The following PCDH9 variants were observed in gnomAD, a reference collection of about 807,000 sequenced individuals.
PCDH9 encodes the protein protocadherin-9.
PCDH9 carries 24 observed loss-of-function variants against 70.6 expected under a neutral mutation model. The ratio of observed to expected loss-of-function variants is 0.34; its 90% confidence interval spans 0.25 to 0.48. The LOEUF (loss-of-function observed/expected upper bound fraction) is 0.48, where lower values mean the gene tolerates loss of function less well. PCDH9 is among the 20% of genes least tolerant of loss of function. The probability of loss-of-function intolerance (pLI) is 0.99; values close to 1 mark genes in which losing one functional copy is unlikely to be tolerated. For missense variants in PCDH9, 1,281 were observed against 1,503.6 expected (o/e 0.85, Z 2.45); for synonymous variants, 562 against 558.5 (o/e 1.01, Z -0.09).
chr13:66,354,747 C>T (rs931626958), intron 4 of PCDH9, among the ~76,000 whole-genome samples: 7 of 152,088 alleles, frequency 4.6e-5, no homozygotes, highest in African/African-American at 9.7e-5. Context: ...TTTTCACCAA[C>T]GTTAGAGCCC....
chr13:66,356,004 T>TA (rs1232061285), intron 4 of PCDH9, among the ~76,000 whole-genome samples: 2 of 152,028 alleles, frequency 1.3e-5, no homozygotes, highest in South Asian at 4.1e-4. Context: ...TTTTAAGTAC[T>TA]AAAAAAAATT....
chr13:66,731,825 A>G (rs997821208), intron 3 of PCDH9, among the ~76,000 whole-genome samples: 3 of 152,044 alleles, frequency 2.0e-5, no homozygotes, highest in African/African-American at 7.2e-5. Flanking sequence ...TTTCTCTAAA[A>G]CACAATTTAA....
intron 4 of PCDH9, among the ~76,000 whole-genome samples, chr13:66,529,883 A>G (rs547334316): frequency 1.3e-5 from 2 of 151,932 alleles, no homozygotes; most frequent in South Asian, 4.2e-4. Context: ...TGCTGTTAAA[A>G]AAAAAAAAGC....
chr13:67,009,116 G>A (rs912332699), intron 2 of PCDH9, among the ~76,000 whole-genome samples: 1 of 151,914 alleles, frequency 6.6e-6, no homozygotes, highest in Non-Finnish European at 1.5e-5. Flanking sequence ...AAACATTAGC[G>A]TTCATCTCAA....
intron 4 of PCDH9, among the ~76,000 whole-genome samples, chr13:66,549,252 C>T (rs1231732040): frequency 2.0e-5 from 3 of 151,894 alleles, no homozygotes; most frequent in Non-Finnish European, 4.4e-5. Context: ...TTTCGGTTAG[C>T]TTTTTGTTTG....
chr13:66,480,322 G>A (rs986193428), intron 4 of PCDH9, among the ~76,000 whole-genome samples: 1 of 152,202 alleles, frequency 6.6e-6, no homozygotes, highest in African/African-American at 2.4e-5. Flanking sequence ...TTATGGATGA[G>A]CAAAGAAGGT....
intron 3 of PCDH9, among the ~76,000 whole-genome samples, chr13:66,874,965 CAGAG>C (rs1399091231): frequency 1.6e-5 from 2 of 123,764 alleles, no homozygotes; most frequent in Non-Finnish European, 3.4e-5. Flanking sequence ...GAGAGAGAGA[CAGAG>C]AGATATGTAG....
chr13:66,945,417 C>T (rs1168991715), intron 2 of PCDH9, among the ~76,000 whole-genome samples: 1 of 152,084 alleles, frequency 6.6e-6, no homozygotes, highest in African/African-American at 2.4e-5. Context: ...ATTAGCCTGT[C>T]TTATGTCAAC....
chr13:66,417,378 T>C (rs1247369725), intron 4 of PCDH9, among the ~76,000 whole-genome samples: 1 of 152,204 alleles, frequency 6.6e-6, no homozygotes, highest in Non-Finnish European at 1.5e-5. Context: ...TATGGCTGCA[T>C]AGTATTCCAT....
chr13:66,625,385 C>T (rs113282377), intron 4 of PCDH9, among the ~76,000 whole-genome samples: 4 of 152,000 alleles, frequency 2.6e-5, no homozygotes, highest in Non-Finnish European at 5.9e-5. Context: ...CCTGTAAGAA[C>T]GGTATTTCAG....
intron 3 of PCDH9, among the ~76,000 whole-genome samples, chr13:66,678,367 G>T (rs2078273028): frequency 6.6e-6 from 1 of 151,992 alleles, no homozygotes. Context: ...GAAACATATA[G>T]AAGTATAGAT....
rs552938048 is a variant in PCDH9 at position 67,055,880 on chromosome 13, C to T, written c.3037-152275G>A. Among the ~76,000 whole-genome samples the T allele has an allele frequency of 5.0e-4, 76 of 152,064 alleles. 2 individuals are homozygous for T. The South Asian group carries it at 0.011, about 22-fold the overall frequency. ...ATTACAGAACACAGAGGGCCAGGGA[C>T]GGTGGCTTAAGCCTATGATACCAGC... On this transcript the variant is annotated intron_variant, in intron 2 of 4. Transcript: ENST00000377865.
At chr13:66,717,027 C>T (rs2078873460) in intron 3 of PCDH9, among the ~76,000 whole-genome samples, 2 of 152,032 alleles carry the variant, frequency 1.3e-5, no homozygotes, top group Admixed American at 1.3e-4. Context: ...TTTCAAATCA[C>T]AGTGATTTTT....
At chr13:67,069,913 G>A (rs1302273100) in intron 2 of PCDH9, among the ~76,000 whole-genome samples, 2 of 151,840 alleles carry the variant, frequency 1.3e-5, no homozygotes, top group African/African-American at 4.8e-5. Flanking sequence ...TTCATCCTTT[G>A]TGTCACATCA....
At chr13:66,656,334 G>A (rs1224810067) in intron 3 of PCDH9, among the ~76,000 whole-genome samples, 1 of 152,170 alleles carries the variant, frequency 6.6e-6, no homozygotes, top group African/African-American at 2.4e-5. Context: ...TTAATTAACA[G>A]AGAAGGCTTG....
intron 4 of PCDH9, among the ~76,000 whole-genome samples, chr13:66,395,324 C>T (rs537031581): frequency 3.3e-5 from 5 of 152,044 alleles, no homozygotes; most frequent in African/African-American, 4.8e-5. Flanking sequence ...TGAGTTTGGC[C>T]GGGCGTGGTG....
rs185908560 is a variant in PCDH9, at chr13:66,982,161, C to T, written c.3037-78556G>A. ...GCTCCTGCTTTCACAATGTGAAGTG[C>T]CTGCTCCGGCTTCGCCTTCCACCGT... On this transcript the variant is annotated intron_variant, in intron 2 of 4. Coordinates refer to ENST00000377865, the MANE Select transcript of PCDH9 (RefSeq NM_203487.3). 2.6e-4 allele frequency among the ~76,000 whole-genome samples: 39 copies of T among 152,300 alleles called. No homozygotes were observed. In the East Asian group the frequency reaches 7.4e-3, roughly 29 times the overall value.
At chr13:66,775,821 A>G (rs1235907566) in intron 3 of PCDH9, among the ~76,000 whole-genome samples, 1 of 152,126 alleles carries the variant, frequency 6.6e-6, no homozygotes, top group Admixed American at 6.5e-5. Flanking sequence ...ACTGTGTGCA[A>G]TGTTGACACC....
chr13:66,948,557 T>C (rs2083127065), intron 2 of PCDH9, among the ~76,000 whole-genome samples: 1 of 151,750 alleles, frequency 6.6e-6, no homozygotes, highest in Non-Finnish European at 1.5e-5. Context: ...AGTATGGCAC[T>C]GAAAAGCTTA....
Sources: gnomAD v4.1 joint callset for allele counts (sites outside exome capture counted in the v4.1 genomes callset) on GRCh38, gnomAD v4.1.1 for gene constraint, MANE v1.5 for transcripts, NCBI Gene and HGNC (gene_info 2026-07-23, HGNC 2026-07-21) for gene names.